DDI2: variants seen among roughly 807,000 people sequenced by gnomAD.
DDI2 encodes the protein DDI proteasomal shuttling factor 2.
DDI2 carries 5 observed loss-of-function variants against 48.1 expected under a neutral mutation model. That is an observed-to-expected ratio of 0.10 (90% CI 0.05 to 0.22). DDI2 has a LOEUF of 0.22. DDI2 is among the 10% of genes least tolerant of loss of function. The pLI is 1.00. For synonymous variants in DDI2, 205 were observed against 183.6 expected, an observed-to-expected ratio of 1.12 and a Z score of -0.94; for missense variants, 285 against 506.2, an observed-to-expected ratio of 0.56 and a Z score of 4.19.
intron 6 of DDI2, among the ~76,000 whole-genome samples, chr1:15,644,754 C>T (rs1406546500): frequency 2.6e-5 from 4 of 151,066 alleles, no homozygotes; most frequent in Non-Finnish European, 5.9e-5. Flanking sequence ...CCACCGCACC[C>T]GGCTAATTTT....
chr1:15,633,728 T>C, intron 4 of DDI2, 163 bp downstream of exon 4: 1 of 1,057,424 alleles, frequency 9.5e-7, no homozygotes, highest in Non-Finnish European at 1.4e-6. Context: ...TTTCATTTTC[T>C]ATGCATTTCG....
chr1:15,641,731 G>T (rs955076004), intron 5 of DDI2, among the ~76,000 whole-genome samples: 1 of 151,860 alleles, frequency 6.6e-6, no homozygotes, highest in Non-Finnish European at 1.5e-5. Flanking sequence ...AAGGCAGGTG[G>T]ATCACCTGAG....
intron 5 of DDI2, among the ~76,000 whole-genome samples, chr1:15,639,756 C>T (rs1024444932): frequency 8.4e-4 from 128 of 152,250 alleles, no homozygotes; most frequent in African/African-American, 3.0e-3. Context: ...CCTGTAATTC[C>T]AGCATTTTGG....
chr1:15,639,356 C>A (rs1639972814), intron 5 of DDI2, among the ~76,000 whole-genome samples: 1 of 152,048 alleles, frequency 6.6e-6, no homozygotes. Flanking sequence ...AGAAAAATTC[C>A]TTGCTCAAAT....
At chr1:15,622,978 C>A (rs1183529543) in intron 1 of DDI2, among the ~76,000 whole-genome samples, 1 of 152,202 alleles carries the variant, frequency 6.6e-6, no homozygotes, top group Middle Eastern at 3.2e-3. Flanking sequence ...GCTGAAGCAA[C>A]ATTTCATATT....
chr1:15,630,409 C>G lies in DDI2; in HGVS notation c.353C>G (p.Ser118Cys), dbSNP rs757198316. ...RQRQPPGTQQ[S>C]HSSPGEITSS... ...CGCCAGCCACCAGGAACACAGCAGT[C>G]CCACTCATCTCCTGGAGAAATAACT... The change falls in exon 3 of 10, where the codon TCC becomes TGC. Residue 118 changes from serine to cysteine, a missense_variant. Coordinates refer to ENST00000480945, the MANE Select transcript of DDI2 (RefSeq NM_032341.5). 4 of 1,614,222 alleles carry G rather than the reference C, an allele frequency of 2.5e-6. No homozygotes were observed.
At chr1:15,638,170 C>A in intron 4 of DDI2, 137 bp from the exon 5 acceptor site, 3 of 1,230,136 alleles carry the variant, frequency 2.4e-6, no homozygotes, top group Non-Finnish European at 3.4e-6. Context: ...CCATATAGCA[C>A]CAATTTTTCT....
At chr1:15,620,169 A>G (rs1479571881) in intron 1 of DDI2, among the ~76,000 whole-genome samples, 1 of 152,146 alleles carries the variant, frequency 6.6e-6, no homozygotes, top group East Asian at 1.9e-4. Context: ...TTGGGCTCCA[A>G]CTGGTGTTAA....
intron 1 of DDI2, 124 bp from the exon 2 acceptor site, chr1:15,626,545 G>T (rs1040214095): frequency 7.3e-7 from 1 of 1,367,540 alleles, no homozygotes; most frequent in African/African-American, 1.4e-5. Context: ...TCTGGATGTG[G>T]TGGGAATCCA....
intron 1 of DDI2, among the ~76,000 whole-genome samples, chr1:15,623,387 C>CTTTTTTTTTTTT (rs777821777): frequency 9.3e-6 from 1 of 107,514 alleles, no homozygotes. Context: ...TTTTCTTCTT[C>CTTTTTTTTTTTT]TTTTTTTTTT....
At chr1:15,626,915 C>G in intron 2 of DDI2, 117 bp downstream of exon 2, 2 of 1,293,610 alleles carry the variant, frequency 1.5e-6, no homozygotes, top group Non-Finnish European at 2.1e-6. Context: ...GATCCTGACT[C>G]TGCCTTTTCC....
At chr1:15,641,061 G>A (rs1489343569) in intron 5 of DDI2, among the ~76,000 whole-genome samples, 1 of 152,174 alleles carries the variant, frequency 6.6e-6, no homozygotes, top group Non-Finnish European at 1.5e-5. Context: ...GGAAAGAAAT[G>A]GTGGAGCCAG....
rs1640401430 is a variant in DDI2, at chr1:15,662,739, T to C, written c.*2949T>C. The C allele has an allele frequency of 6.6e-6, 1 of 152,242 alleles. No homozygotes were observed. The highest frequency in any genetic ancestry group is 2.4e-5 in the African/African-American group (1 of 41,462). 9.4% of individuals were successfully genotyped at this position (152,242 alleles called of 1,614,324 possible). A position where few individuals can be genotyped will look rare whatever the true frequency, so the allele number is the denominator to read the frequency against. On this transcript the variant is annotated 3_prime_UTR_variant, in exon 10 of 10. Transcript: ENST00000480945. Reference sequence around the variant, plus strand: ...TGTGATCTGAGTGAAATACTAAGTGTGATAACCTTGTCACTGGTTAATCTT... The same window carrying C: ...TGTGATCTGAGTGAAATACTAAGTGCGATAACCTTGTCACTGGTTAATCTT...
intron 7 of DDI2, among the ~76,000 whole-genome samples, chr1:15,651,075 G>A (rs1243706114): frequency 6.6e-6 from 1 of 151,526 alleles, no homozygotes; most frequent in Non-Finnish European, 1.5e-5. Context: ...GGATGGTCTC[G>A]ATCTCCTGAC....
chr1:15,643,081 AC>A (rs201177470), intron 5 of DDI2, among the ~76,000 whole-genome samples: 1,633 of 152,286 alleles, frequency 0.011, 10 homozygotes, highest in Non-Finnish European at 0.018. Flanking sequence ...AAAAAAAAAA[AC>A]ATTAGCTGGA....
chr1:15,618,779 C>T (rs1414833874), intron 1 of DDI2, among the ~76,000 whole-genome samples: 1 of 152,214 alleles, frequency 6.6e-6, no homozygotes, highest in African/African-American at 2.4e-5. Context: ...TAAATTTAGC[C>T]TGGAGGAAAT....
In DDI2 at chr1:15,666,869, G is replaced by A. The variant is rs753591847; in HGVS notation, c.*7079G>A. 9 of 152,186 alleles carry A rather than the reference G, an allele frequency of 5.9e-5. No homozygotes were observed. The highest frequency in any genetic ancestry group is 8.8e-5 in the Non-Finnish European group (6 of 68,048). The allele number at this position is 152,186 out of a possible 1,614,324, so 9.4% of individuals were successfully genotyped here. A position where few individuals can be genotyped will look rare whatever the true frequency, so the allele number is the denominator to read the frequency against. On this transcript the variant is annotated 3_prime_UTR_variant, in exon 10 of 10. Coordinates refer to ENST00000480945, the MANE Select transcript of DDI2 (RefSeq NM_032341.5). ...CTTCAGAGCAGACTGGGAAAATCAGGCTTACAATGGAATCAGATGCTGTGG... is the reference window on the plus strand; with the variant it reads ...CTTCAGAGCAGACTGGGAAAATCAGACTTACAATGGAATCAGATGCTGTGG...
At chr1:15,628,404 A>T (rs932797327) in intron 2 of DDI2, among the ~76,000 whole-genome samples, 1 of 152,174 alleles carries the variant, frequency 6.6e-6, no homozygotes, top group African/African-American at 2.4e-5. Context: ...TTTCTATCTG[A>T]GGTCCAAAAA....
intron 4 of DDI2, among the ~76,000 whole-genome samples, chr1:15,635,488 C>T (rs1639913821): frequency 6.6e-6 from 1 of 152,166 alleles, no homozygotes; most frequent in Non-Finnish European, 1.5e-5. Context: ...TCATTGCAGC[C>T]TCCGCCTCCC....
Sources: allele counts gnomAD v4.1 joint callset (sites outside exome capture counted in the v4.1 genomes callset), GRCh38; gene constraint gnomAD v4.1.1; transcripts MANE v1.5; gene names NCBI Gene and HGNC (gene_info 2026-07-23, HGNC 2026-07-21).